MAX: variants seen among roughly 807,000 people sequenced by gnomAD.
MAX encodes the protein MYC associated transcriptional regulator X.
MAX carries 3 observed loss-of-function variants against 22.3 expected under a neutral mutation model. That is an observed-to-expected ratio of 0.13 (90% CI 0.06 to 0.35). MAX has a LOEUF of 0.35. Ranked by LOEUF, MAX falls within the 10% of genes least tolerant of loss-of-function variation. MAX has a pLI of 1.00. For synonymous variants in MAX, 72 were observed against 77.7 expected (o/e 0.93, Z 0.39); for missense variants, 119 against 209.4 (o/e 0.57, Z 2.66).
Position 65,030,710 on chromosome 14 carries a change from A to T in MAX, c.172-24426T>A, listed in dbSNP as rs895573268. Among the ~76,000 whole-genome samples the T allele has an allele frequency of 1.3e-5, 2 of 152,048 alleles. No individual in the cohort carries two copies. Among genetic ancestry groups the T allele is most frequent in the African/African-American group, 4.8e-5 (2 of 41,398 alleles). On this transcript the variant is annotated intron_variant, in intron 3 of 3. Transcript: ENST00000341653. The surrounding 1 kb of genome is among the most constrained non-coding windows in gnomAD (Gnocchi z 4.5). ...AGCCATGATAGCGCCACTGCACTGC[A>T]GCCTGGGCAACAAAGTGAGATCCTA... is the stretch of plus-strand genomic sequence containing the variant.
downstream of MAX, among the ~76,000 whole-genome samples, chr14:65,071,541 A>G (rs1366312636): frequency 6.6e-6 from 1 of 152,236 alleles, no homozygotes. This position sits in a 1 kb window ranked among gnomAD's most constrained non-coding sequence, Gnocchi z 4.2. Context: ...TGAGTATTAA[A>G]TGCCAGGAAC....
intron 3 of MAX, among the ~76,000 whole-genome samples, chr14:65,013,749 T>C: frequency 6.6e-6 from 1 of 152,170 alleles, no homozygotes. Context: ...GGTTTCACCA[T>C]ATTGGCCAGG....
intron 2 of MAX, among the ~76,000 whole-genome samples, chr14:65,100,269 G>A (rs1341100859): frequency 1.3e-5 from 2 of 152,086 alleles, no homozygotes; most frequent in Non-Finnish European, 2.9e-5. Flanking sequence ...GGCCAACATG[G>A]TGAAACCCCG....
intron 3 of MAX, among the ~76,000 whole-genome samples, chr14:65,045,378 T>C (rs1030086794): frequency 6.6e-6 from 1 of 151,840 alleles, no homozygotes; most frequent in African/African-American, 2.4e-5. Flanking sequence ...CCCCATACTT[T>C]TTTTTCCTGT....
intron 2 of MAX, among the ~76,000 whole-genome samples, chr14:65,095,902 G>A (rs1380050661): frequency 1.3e-5 from 2 of 152,154 alleles, no homozygotes; most frequent in Non-Finnish European, 2.9e-5. Flanking sequence ...TTGGTTTCAC[G>A]TGGACCTGCA....
rs1485205157 is a variant in MAX at position 65,102,344 on chromosome 14, T to G, written c.-5A>C. 1.2e-6 allele frequency: 2 copies of G among 1,613,626 alleles called. No individual in the cohort carries two copies. The highest frequency in any genetic ancestry group is 2.2e-5 in the South Asian group (2 of 91,040). The stretch of plus-strand genomic sequence containing the variant: ...GATGTCATCGTTATCGCTCATTTCC[T>G]ACGGCCCAGGGAGCGGCCACTGCAG... On this transcript the variant is annotated 5_prime_UTR_variant, in exon 1 of 5. Coordinates refer to ENST00000358664, the MANE Select transcript of MAX (RefSeq NM_002382.5).
Position 65,082,666 on chromosome 14 carries a change from C to T in MAX, c.172-4630G>A, listed in dbSNP as rs2063227720. ...AATGTGGTCCCAGCTACTTGGGAGG[C>T]AAAGGTGGGAGGATCTCTTGAGCCC... On this transcript the variant is annotated intron_variant, in intron 3 of 4. Coordinates refer to ENST00000358664, the MANE Select transcript of MAX (RefSeq NM_002382.5). This position sits in a 1 kb window ranked among gnomAD's most constrained non-coding sequence, Gnocchi z 4.8. Among the ~76,000 whole-genome samples, 1 of 150,938 alleles carries T rather than the reference C, an allele frequency of 6.6e-6. No homozygotes were observed. Among genetic ancestry groups the T allele is most frequent in the South Asian group, 2.1e-4 (1 of 4,790 alleles).
In MAX at chr14:65,034,811, C is replaced by T. The variant is rs139573709; in HGVS notation, c.172-28527G>A. 3.1e-3 allele frequency among the ~76,000 whole-genome samples: 478 copies of T among 152,326 alleles called. 2 individuals are homozygous for T. Among genetic ancestry groups the T allele is most frequent in the African/African-American group, 0.011 (453 of 41,582 alleles). On this transcript the variant is annotated intron_variant, in intron 3 of 3. Transcript: ENST00000341653. ...TGTCCTGGAGTTGGCATGTCAGCTCCATGAGTCTTCCTGTGCTGAGTGATG... is the reference window on the plus strand; with the variant it reads ...TGTCCTGGAGTTGGCATGTCAGCTCTATGAGTCTTCCTGTGCTGAGTGATG...
chr14:65,025,946 TCA>T (rs1344451098), intron 3 of MAX, among the ~76,000 whole-genome samples: 1 of 152,230 alleles, frequency 6.6e-6, no homozygotes, highest in African/African-American at 2.4e-5. Context: ...GTTTCAGAAC[TCA>T]CAGAGCAAGG....
rs2062047779 is a variant in MAX at position 65,029,928 on chromosome 14, A to G, written c.172-23644T>C. ...GAGCAGGAAGACTGATCCAGGTTGA[A>G]GAAGGCTTGGATTTGGGTGATGGCA... is the stretch of plus-strand genomic sequence containing the variant. On this transcript the variant is annotated intron_variant, in intron 3 of 3. Transcript: ENST00000341653. The surrounding 1 kb of genome is among the most constrained non-coding windows in gnomAD (Gnocchi z 4.7). Among the ~76,000 whole-genome samples, 1 of 152,234 alleles carries G rather than the reference A, an allele frequency of 6.6e-6. No individual in the cohort carries two copies. The highest frequency in any genetic ancestry group is 1.9e-4 in the East Asian group (1 of 5,202).
At chr14:65,060,129 G>A (rs185703894) in intron 3 of MAX, among the ~76,000 whole-genome samples, 87 of 151,372 alleles carry the variant, frequency 5.7e-4, no homozygotes, top group Non-Finnish European at 1.1e-3. Flanking sequence ...CACCGCGTCC[G>A]GCCCCCTTTT....
chr14:65,077,578 C>A lies in MAX; in HGVS notation c.295+335G>T. 1.1e-6 allele frequency: 1 copy of A among 939,422 alleles called. No individual in the cohort carries two copies. Among genetic ancestry groups the A allele is most frequent in the Non-Finnish European group, 1.7e-6 (1 of 580,164 alleles). The allele number at this position is 939,422 out of a possible 1,614,324, so 58.2% of individuals were successfully genotyped here. On this transcript the variant is annotated intron_variant, in intron 4 of 4. Coordinates refer to ENST00000358664, the MANE Select transcript of MAX (RefSeq NM_002382.5). The surrounding 1 kb of genome is among the most constrained non-coding windows in gnomAD (Gnocchi z 6.3). ...TGGTACTTACACAGCACATTCCACT[C>A]CAAGGACCTCAAAGCTCTTTTCAGA...
chr14:65,046,006 A>C (rs1296311982), intron 3 of MAX, among the ~76,000 whole-genome samples: 1 of 151,882 alleles, frequency 6.6e-6, no homozygotes, highest in African/African-American at 2.4e-5. Flanking sequence ...TTTTTTTTTG[A>C]GACGGAGTTT....
At chr14:65,017,300 A>T (rs912867174) in intron 3 of MAX, among the ~76,000 whole-genome samples, 4 of 152,042 alleles carry the variant, frequency 2.6e-5, no homozygotes, top group African/African-American at 9.7e-5. Context: ...CACAATCAGG[A>T]TATTTGGAAA....
In MAX at chr14:65,014,481, A is replaced by G. The variant is rs2061735473; in HGVS notation, c.172-8197T>C. Among the ~76,000 whole-genome samples, 1 of 152,142 alleles carries G rather than the reference A, an allele frequency of 6.6e-6. No homozygotes were observed. Among genetic ancestry groups the G allele is most frequent in the South Asian group, 2.1e-4 (1 of 4,826 alleles). ...TGTCTGTCCAGTGCTCTCTTCCCCT[A>G]CAGGTAACCACACACATTCTATATC... On this transcript the variant is annotated intron_variant, in intron 3 of 3. Transcript: ENST00000341653. This position sits in a 1 kb window ranked among gnomAD's most constrained non-coding sequence, Gnocchi z 5.1.
At chr14:65,051,333 G>C (rs2062603603) in intron 3 of MAX, among the ~76,000 whole-genome samples, 1 of 152,168 alleles carries the variant, frequency 6.6e-6, no homozygotes, top group Non-Finnish European at 1.5e-5. Context: ...ATTTAGGCTG[G>C]GTGCGGTGGC....
intron 3 of MAX, chr14:65,022,109 A>G (rs1183738911): frequency 2.2e-6 from 1 of 455,618 alleles, no homozygotes; most frequent in African/African-American, 2.0e-5. Context: ...CCATTGTCAT[A>G]TTCTACCTAG....
chr14:65,084,391 T>A lies in MAX; in HGVS notation c.172-6355A>T. 1 of 799,166 alleles carries A rather than the reference T, an allele frequency of 1.3e-6. No individual in the cohort carries two copies. The highest frequency in any genetic ancestry group is 2.1e-6 in the Non-Finnish European group (1 of 479,582). 49.5% of individuals were successfully genotyped at this position (799,166 alleles called of 1,614,324 possible). A position where few individuals can be genotyped will look rare whatever the true frequency, so the allele number is the denominator to read the frequency against. Reference sequence around the variant, plus strand: ...CTTTTGTTTACTGAATTAGTTACCCTCTTCCAAAAAAAAAAATTCCAGTGA... The same window carrying A: ...CTTTTGTTTACTGAATTAGTTACCCACTTCCAAAAAAAAAAATTCCAGTGA... On this transcript the variant is annotated intron_variant, in intron 3 of 4. Coordinates refer to ENST00000358664, the MANE Select transcript of MAX (RefSeq NM_002382.5). The surrounding 1 kb of genome is among the most constrained non-coding windows in gnomAD (Gnocchi z 4.3).
chr14:65,037,403 C>CTTTTTTTTTTTTTTTTTTTTTTTTTTTTT, intron 3 of MAX, among the ~76,000 whole-genome samples: 9 of 29,648 alleles, frequency 3.0e-4, no homozygotes, highest in Admixed American at 8.5e-4. Context: ...ACGCCGGGCC[C>CTTTTTTTTTTTTTTTTTTTTTTTTTTTTT]TTTTTTTTTT....
Sources: allele counts gnomAD v4.1 joint callset (sites outside exome capture counted in the v4.1 genomes callset), GRCh38; gene constraint gnomAD v4.1.1; non-coding constraint Gnocchi (gnomAD v3.1); transcripts MANE v1.5; gene names NCBI Gene and HGNC (gene_info 2026-07-23, HGNC 2026-07-21).